Variants in HMCN1 observed in about 807,000 individuals in gnomAD.
HMCN1 encodes the protein hemicentin-1.
HMCN1 carries 321 observed loss-of-function variants against 625.9 expected under a neutral mutation model. The ratio of observed to expected loss-of-function variants is 0.51; its 90% CI spans 0.47 to 0.56. The LOEUF is 0.56. Among genes scored for constraint, HMCN1 ranks in the 20% least tolerant of loss-of-function variants. The pLI is 0.00. For missense variants in HMCN1, 6,588 were observed against 6,887.3 expected (o/e 0.96, Z 1.54); for synonymous variants, 2,425 against 2,417.6 (o/e 1.00, Z -0.09).
chr1:185,982,224 A>G (rs956199481), intron 17 of HMCN1, 38 bp from the exon 18 acceptor site: 2 of 1,611,418 alleles, frequency 1.2e-6, no homozygotes, highest in South Asian at 1.1e-5. Context: ...TTTTGGGTGA[A>G]ATAGAGTTGA....
At chr1:185,820,039 G>C (rs1318578066) in intron 1 of HMCN1, among the ~76,000 whole-genome samples, 2 of 152,070 alleles carry the variant, frequency 1.3e-5, no homozygotes, top group Non-Finnish European at 2.9e-5. Context: ...GTATGATAAG[G>C]GGGCAAAAGG....
At chr1:185,970,028 A>G (rs1650699020) in intron 14 of HMCN1, among the ~76,000 whole-genome samples, 1 of 152,136 alleles carries the variant, frequency 6.6e-6, no homozygotes, top group South Asian at 2.1e-4. Context: ...TTCAACCTTC[A>G]TTTCCCCACT....
At chr1:186,150,234 A>ATCTG (rs1650584285) in intron 93 of HMCN1, among the ~76,000 whole-genome samples, 2 of 152,228 alleles carry the variant, frequency 1.3e-5, no homozygotes, top group Non-Finnish European at 2.9e-5. Context: ...ATTGCTTTAA[A>ATCTG]ATGTATTAAA....
rs557542346 is a variant in HMCN1 at position 185,902,379 on chromosome 1, C to CTCTA, written c.622-6934_622-6931dup. On this transcript the variant is annotated intron_variant, in intron 4 of 106. Coordinates refer to ENST00000271588, the MANE Select transcript of HMCN1 (RefSeq NM_031935.3). The stretch of plus-strand genomic sequence containing the variant: ...TGACCCTTCCTCCCATGTGCTATGT[C>CTCTA]TCTATCTATCTATCTATCTATCTAT... Among the ~76,000 whole-genome samples, 1,334 of 149,192 alleles carry CTCTA rather than the reference C, an allele frequency of 8.9e-3. 23 individuals carry two copies. The highest frequency in any genetic ancestry group is 0.028 in the African/African-American group (1,113 of 39,946).
chr1:186,001,510 A>G lies in HMCN1; in HGVS notation c.4200+82A>G, dbSNP rs1653197930. 4 of 1,594,302 alleles carry G rather than the reference A, an allele frequency of 2.5e-6. No individual in the cohort carries two copies. In the African/African-American group the frequency reaches 4.0e-5, roughly 16 times the overall value. Reference sequence around the variant, plus strand: ...GTTCAGATGTTCATTTCTTACTACTAATAATATAAACATTCTACTTCAATT... The same window carrying G: ...GTTCAGATGTTCATTTCTTACTACTGATAATATAAACATTCTACTTCAATT... On this transcript the variant is annotated intron_variant, in intron 27 of 106. Coordinates refer to ENST00000271588, the MANE Select transcript of HMCN1 (RefSeq NM_031935.3).
At chr1:185,906,564 T>C (rs1666105951) in intron 4 of HMCN1, among the ~76,000 whole-genome samples, 1 of 151,894 alleles carries the variant, frequency 6.6e-6, no homozygotes, top group Non-Finnish European at 1.5e-5. Flanking sequence ...AAGATAGCTT[T>C]CCAACAATAT....
In HMCN1 at chr1:186,190,317, T is replaced by C. The variant is rs896052373; in HGVS notation, c.*439T>C. ...AGTTACTAAGTATTTTGATCAAAGC[T>C]TATAAAATAACTTACGGAGATTTTT... On this transcript the variant is annotated 3_prime_UTR_variant, in exon 107 of 107. Transcript: ENST00000271588. The C allele has an allele frequency of 8.3e-5, 18 of 216,534 alleles. No homozygotes were observed. Among genetic ancestry groups the C allele is most frequent in the African/African-American group, 3.9e-4 (17 of 43,648 alleles). The allele number at this position is 216,534 out of a possible 1,614,324, so 13.4% of individuals were successfully genotyped here. A position where few individuals can be genotyped will look rare whatever the true frequency, so the allele number is the denominator to read the frequency against.
intron 66 of HMCN1, 69 bp from the exon 67 acceptor site, chr1:186,094,207 T>C: frequency 8.3e-7 from 1 of 1,197,892 alleles, no homozygotes; most frequent in East Asian, 2.4e-5. Flanking sequence ...TATTTATAAA[T>C]CATAATTATT....
At chr1:186,184,089 A>G (rs914926413) in intron 105 of HMCN1, among the ~76,000 whole-genome samples, 1 of 152,118 alleles carries the variant, frequency 6.6e-6, no homozygotes, top group Non-Finnish European at 1.5e-5. Flanking sequence ...TTTGTCACTC[A>G]CTTAGTTCAA....
rs1651570523 is a variant in HMCN1 at position 186,162,525 on chromosome 1, TTTCCCC to T, written c.15257-2585_15257-2580del. Among the ~76,000 whole-genome samples, 12 of 152,340 alleles carry T rather than the reference TTTCCCC, an allele frequency of 7.9e-5. No homozygotes were observed. In the South Asian group the frequency reaches 2.1e-3, roughly 26 times the overall value. On this transcript the variant is annotated intron_variant, in intron 97 of 106. Coordinates refer to ENST00000271588, the MANE Select transcript of HMCN1 (RefSeq NM_031935.3). Reference sequence around the variant, plus strand: ...AGTTTCCAGTTTTTCTGCTCTGTTTTTTCCCCATCTTTGTGGTTTTTTCTACTTTTG... The same window carrying T: ...AGTTTCCAGTTTTTCTGCTCTGTTTTATCTTTGTGGTTTTTTCTACTTTTG...
intron 4 of HMCN1, among the ~76,000 whole-genome samples, chr1:185,906,248 C>T (rs998379785): frequency 6.6e-6 from 1 of 151,642 alleles, no homozygotes; most frequent in African/African-American, 2.4e-5. Context: ...TCTAATACAA[C>T]GAGTTGCATC....
intron 5 of HMCN1, 151 bp downstream of exon 5, chr1:185,909,659 C>A: frequency 2.7e-6 from 2 of 737,184 alleles, no homozygotes; most frequent in Non-Finnish European, 4.5e-6. Flanking sequence ...AAAAATGTAA[C>A]ATTTTGAAAG....
In HMCN1 at chr1:186,001,478, G is replaced by A. The variant is rs949996518; in HGVS notation, c.4200+50G>A. The A allele has an allele frequency of 4.4e-6, 7 of 1,600,442 alleles. No individual in the cohort carries two copies. The African/African-American group carries it at 6.7e-5, about 15-fold the overall frequency. On this transcript the variant is annotated intron_variant, in intron 27 of 106. Coordinates refer to ENST00000271588, the MANE Select transcript of HMCN1 (RefSeq NM_031935.3). ...GTAATTCCTTGCCTCTGCATCTGAA[G>A]TAGGTTGTTCAGATGTTCATTTCTT...
At chr1:186,003,883 A>G (rs761874010) in intron 29 of HMCN1, 39 bp downstream of exon 29, 2 of 1,603,338 alleles carry the variant, frequency 1.2e-6, no homozygotes, top group Admixed American at 3.3e-5. Context: ...GGTTTCAATG[A>G]TAGGAAAAAG....
At chr1:185,914,853 C>T (rs1666613571) in intron 6 of HMCN1, among the ~76,000 whole-genome samples, 1 of 151,434 alleles carries the variant, frequency 6.6e-6, no homozygotes, top group Admixed American at 6.6e-5. Context: ...TTCTATAGAC[C>T]AGATTTTGCC....
intron 89 of HMCN1, among the ~76,000 whole-genome samples, chr1:186,141,999 TA>T (rs1429400202): frequency 6.6e-6 from 1 of 152,224 alleles, no homozygotes; most frequent in African/African-American, 2.4e-5. Flanking sequence ...AGTTTTTTAA[TA>T]TTTTAACTTT....
intron 36 of HMCN1, among the ~76,000 whole-genome samples, chr1:186,034,370 T>G (rs1443283709): frequency 1.3e-5 from 2 of 152,174 alleles, no homozygotes; most frequent in African/African-American, 4.8e-5. Flanking sequence ...AGCTACCAAG[T>G]TTGAGGTAAT....
At chr1:186,000,559 A>ATGTGTGTGTGTGTGTGTGTGTGTGTG (rs68110596) in intron 26 of HMCN1, among the ~76,000 whole-genome samples, 1 of 144,652 alleles carries the variant, frequency 6.9e-6, no homozygotes, top group Non-Finnish European at 1.5e-5. Context: ...GTGTGTGTGT[A>ATGTGTGTGTGTGTGTGTGTGTGTGTG]TGTGTGTGTG....
intron 71 of HMCN1, among the ~76,000 whole-genome samples, chr1:186,111,606 A>G (rs1042812766): frequency 6.6e-6 from 1 of 152,168 alleles, no homozygotes; most frequent in Non-Finnish European, 1.5e-5. Flanking sequence ...CGATAGCACC[A>G]CTACTGCGGC....
Sources: gnomAD v4.1 joint callset for allele counts (sites outside exome capture counted in the v4.1 genomes callset) on GRCh38, gnomAD v4.1.1 for gene constraint, MANE v1.5 for transcripts, NCBI Gene and HGNC (gene_info 2026-07-23, HGNC 2026-07-21) for gene names.